The following CYP19A1 variants were observed in gnomAD, a reference collection of about 807,000 sequenced individuals.
CYP19A1 encodes cytochrome P450 family 19 subfamily A member 1.
A neutral mutation model predicts 44.4 loss-of-function variants in CYP19A1; 32 were observed. The ratio of observed to expected loss-of-function variants is 0.72; its 90% CI spans 0.54 to 0.97. CYP19A1 has a LOEUF of 0.97. Ranked by LOEUF, CYP19A1 falls within the 50% of genes least tolerant of loss-of-function variation. The pLI is 0.00. For missense variants in CYP19A1, 598 were observed against 637.8 expected, an observed-to-expected ratio of 0.94 and a Z score of 0.67; for synonymous variants, 212 against 215.6, an observed-to-expected ratio of 0.98 and a Z score of 0.14.
At chr15:51,218,759 A>G (rs2031814837) in intron 5 of CYP19A1, 104 bp from the exon 6 acceptor site, 2 of 1,529,054 alleles carry the variant, frequency 1.3e-6, no homozygotes, top group Admixed American at 2.0e-5. Flanking sequence ...GATTCTCCTA[A>G]CAGTCTGGGG....
At chr15:51,225,846 T>A (rs982297696) in intron 4 of CYP19A1, among the ~76,000 whole-genome samples, 1 of 151,754 alleles carries the variant, frequency 6.6e-6, no homozygotes, top group African/African-American at 2.4e-5. Context: ...TCCCAGCACT[T>A]TGGGAGGCTG....
intron 3 of CYP19A1, among the ~76,000 whole-genome samples, chr15:51,234,763 A>T (rs557356976): frequency 1.2e-3 from 176 of 152,258 alleles, no homozygotes; most frequent in Non-Finnish European, 2.3e-3. Flanking sequence ...CCAGGGGAGT[A>T]TTAAACACCA....
intron 3 of CYP19A1, among the ~76,000 whole-genome samples, chr15:51,230,565 T>G (rs2141087163): frequency 6.6e-6 from 1 of 151,422 alleles, no homozygotes; most frequent in Non-Finnish European, 1.5e-5. Context: ...CACACACTTG[T>G]GGGCAGATTC....
intron 1 of CYP19A1, among the ~76,000 whole-genome samples, chr15:51,308,405 T>C (rs909211002): frequency 6.6e-6 from 1 of 152,180 alleles, no homozygotes; most frequent in Admixed American, 6.5e-5. Context: ...CTTTGTTTCA[T>C]AGTTAGTTTC....
At chr15:51,235,374 G>A (rs958297212) in intron 3 of CYP19A1, among the ~76,000 whole-genome samples, 3 of 152,140 alleles carry the variant, frequency 2.0e-5, no homozygotes, top group Non-Finnish European at 1.5e-5. Flanking sequence ...GCCCAAGAAC[G>A]TGCATTGCTA....
At chr15:51,329,651 T>C (rs1242355879) in intron 1 of CYP19A1, among the ~76,000 whole-genome samples, 1 of 152,252 alleles carries the variant, frequency 6.6e-6, no homozygotes, top group Non-Finnish European at 1.5e-5. Flanking sequence ...GGTATGAAAC[T>C]GATCACTCCT....
At chr15:51,211,624 C>T (rs150002595) in intron 9 of CYP19A1, 6 of 420,192 alleles carry the variant, frequency 1.4e-5, no homozygotes, top group East Asian at 1.5e-4. Context: ...CTGGATTGCC[C>T]GTGTAGAAAC....
intron 6 of CYP19A1, among the ~76,000 whole-genome samples, chr15:51,216,231 A>T (rs1405908223): frequency 6.6e-6 from 1 of 152,096 alleles, no homozygotes; most frequent in Admixed American, 6.6e-5. Context: ...CCCTTGTCTT[A>T]CATTCCCATA....
chr15:51,272,048 AAGAG>A (rs1056132943), intron 1 of CYP19A1, among the ~76,000 whole-genome samples: 6 of 152,182 alleles, frequency 3.9e-5, no homozygotes, highest in Non-Finnish European at 7.3e-5. Context: ...TCCTTCATCC[AAGAG>A]AGAAACACCA....
rs558757027 is a variant in CYP19A1 at position 51,227,194 on chromosome 15, G to C, written c.451+585C>G. Among the ~76,000 whole-genome samples the C allele has an allele frequency of 1.4e-4, 22 of 152,150 alleles. No individual in the cohort carries two copies. The East Asian group carries it at 2.3e-3, about 16-fold the overall frequency. On this transcript the variant is annotated intron_variant, in intron 4 of 9. Transcript: ENST00000396402. ...TATAGGCTTCAGGGCTATATTCCGG[G>C]CTATCATTTACTAATGTTTGGACCT...
chr15:51,222,514 G>C lies in CYP19A1; in HGVS notation c.463C>G (p.Pro155Ala). 6.2e-7 allele frequency: 1 copy of C among 1,613,580 alleles called. No individual in the cohort carries two copies. The highest frequency in any genetic ancestry group is 8.5e-7 in the Non-Finnish European group (1 of 1,179,684). ...RPFFMKALSGPGLVRMVTVCA... is the reference protein window; with the variant it reads ...RPFFMKALSGAGLVRMVTVCA... ...ACTGTGACCATACGAACAAGGCCGG[G>C]GCCTGACAGAGCTGCAGAGTACACA... The change falls in exon 5 of 10, where the codon CCC becomes GCC. Residue 155 changes from proline to alanine, a missense_variant. By Grantham distance (27) the Pro-to-Ala change is conservative (BLOSUM62 -1). Coordinates refer to ENST00000396402, the MANE Select transcript of CYP19A1 (RefSeq NM_000103.4).
At chr15:51,281,572 G>A (rs905551410) in intron 1 of CYP19A1, among the ~76,000 whole-genome samples, 3 of 152,324 alleles carry the variant, frequency 2.0e-5, no homozygotes, top group East Asian at 3.9e-4. Flanking sequence ...AAGCACAACC[G>A]CCTTCTTCAG....
At chr15:51,275,036 C>T (rs534106242) in intron 1 of CYP19A1, among the ~76,000 whole-genome samples, 9 of 152,322 alleles carry the variant, frequency 5.9e-5, no homozygotes, top group Non-Finnish European at 1.3e-4. Context: ...CTGGATTTGG[C>T]TTCCGCTCCG....
At chr15:51,302,775 G>A (rs2470152) in intron 1 of CYP19A1, among the ~76,000 whole-genome samples, 75,887 of 152,116 alleles carry the variant, frequency 0.5, 19,131 homozygotes, top group Middle Eastern at 0.62. Flanking sequence ...TCCAGCCCAC[G>A]TCTTTCTCTC....
intron 1 of CYP19A1, chr15:51,337,910 T>C (rs867362327): frequency 6.6e-6 from 1 of 152,424 alleles, no homozygotes; most frequent in Non-Finnish European, 1.5e-5. Flanking sequence ...CAGTGGAGTC[T>C]GGTAGGAAAG....
intron 1 of CYP19A1, among the ~76,000 whole-genome samples, chr15:51,273,352 A>G (rs2035196770): frequency 6.6e-6 from 1 of 152,218 alleles, no homozygotes; most frequent in Non-Finnish European, 1.5e-5. Context: ...TTACATGTTT[A>G]TATTCAGCAG....
chr15:51,284,637 G>A (rs1005148451), intron 1 of CYP19A1, among the ~76,000 whole-genome samples: 2 of 152,336 alleles, frequency 1.3e-5, no homozygotes, highest in African/African-American at 2.4e-5. Flanking sequence ...CACTGCATAT[G>A]TAATTGCATT....
At chr15:51,333,245 G>T (rs560899064) in intron 1 of CYP19A1, among the ~76,000 whole-genome samples, 2 of 152,296 alleles carry the variant, frequency 1.3e-5, no homozygotes, top group African/African-American at 4.8e-5. Flanking sequence ...TGGGCTCAGG[G>T]CCAGCAGCTG....
At chr15:51,258,775 G>C (rs1476523961) in intron 1 of CYP19A1, among the ~76,000 whole-genome samples, 1 of 152,172 alleles carries the variant, frequency 6.6e-6, no homozygotes, top group Non-Finnish European at 1.5e-5. Context: ...TTATTACAAA[G>C]ATTTACAAAA....
Sources: gnomAD v4.1 joint callset for allele counts (sites outside exome capture counted in the v4.1 genomes callset) on GRCh38, gnomAD v4.1.1 for gene constraint, MANE v1.5 for transcripts, NCBI Gene and HGNC (gene_info 2026-07-23, HGNC 2026-07-21) for gene names.